STAG1: variants seen among roughly 807,000 people sequenced by gnomAD.
STAG1 encodes STAG1 cohesin complex component.
In STAG1, 26 loss-of-function variants were observed where a neutral mutation model predicts 170.9. The ratio of observed to expected loss-of-function variants is 0.15; its 90% CI spans 0.11 to 0.21. The LOEUF is 0.21. Ranked by LOEUF, STAG1 falls within the 10% of genes least tolerant of loss-of-function variation. The pLI is 1.00. For missense variants in STAG1, 964 were observed against 1,509.5 expected (o/e 0.64, Z 5.99); for synonymous variants, 514 against 497.7 (o/e 1.03, Z -0.44).
At chr3:136,670,886 A>G (rs899303797) in intron 1 of STAG1, among the ~76,000 whole-genome samples, 1 of 152,334 alleles carries the variant, frequency 6.6e-6, no homozygotes, top group Non-Finnish European at 1.5e-5. Flanking sequence ...TGTATTTTCC[A>G]GATGTTGGTG....
intron 23 of STAG1, among the ~76,000 whole-genome samples, chr3:136,375,111 C>T (rs1444156659): frequency 6.6e-6 from 1 of 152,142 alleles, no homozygotes; most frequent in African/African-American, 2.4e-5. Context: ...TTATGATGGT[C>T]ATACAATGAT....
chr3:136,633,962 T>TTAAAAAA (rs1212800689), intron 1 of STAG1, among the ~76,000 whole-genome samples: 1 of 50,346 alleles, frequency 2.0e-5, no homozygotes, highest in Non-Finnish European at 4.2e-5. Flanking sequence ...TGTCTCTACT[T>TTAAAAAA]AAAAAAAAAA....
In STAG1 at chr3:136,633,962, TAAAAAAAAAAAAAAAA is replaced by T. The variant is rs67810422; in HGVS notation, c.-83-2997_-83-2982del. On this transcript the variant is annotated intron_variant, in intron 1 of 33. Coordinates refer to ENST00000383202, the MANE Select transcript of STAG1 (RefSeq NM_005862.3). Reference sequence around the variant, plus strand: ...AACATGGTGAAACCCTGTCTCTACTTAAAAAAAAAAAAAAAAAAAAAAAAAAAAATTAGCCAGGCAT... The same window carrying T: ...AACATGGTGAAACCCTGTCTCTACTTAAAAAAAAAAAAATTAGCCAGGCAT... 6.3e-3 allele frequency among the ~76,000 whole-genome samples: 315 copies of T among 50,364 alleles called. 4 individuals are homozygous for T. The highest frequency in any genetic ancestry group is 0.015 in the African/African-American group (299 of 19,486). 33.0% of individuals were successfully genotyped at this position (50,364 alleles called of 152,430 possible). A position where few individuals can be genotyped will look rare whatever the true frequency, so the allele number is the denominator to read the frequency against.
chr3:136,508,938 T>C (rs1179788608), intron 7 of STAG1, among the ~76,000 whole-genome samples: 1 of 152,256 alleles, frequency 6.6e-6, no homozygotes, highest in Non-Finnish European at 1.5e-5. Context: ...CAAGAATATC[T>C]CTTAGTTCTG....
At chr3:136,543,692 G>T (rs945947936) in intron 5 of STAG1, among the ~76,000 whole-genome samples, 4 of 152,138 alleles carry the variant, frequency 2.6e-5, no homozygotes, top group African/African-American at 9.7e-5. Context: ...AATCTTTTAA[G>T]TGGTGATAAT....
At position 136,623,361 on chromosome 3, in the gene STAG1, A is replaced by G; in HGVS notation, c.30-113T>C. On this transcript the variant is annotated intron_variant, in intron 2 of 33. Coordinates refer to ENST00000383202, the MANE Select transcript of STAG1 (RefSeq NM_005862.3). ...CTGATTAGAAGTGGTTTATACTTCT[A>G]CTTTCAGAGAAACTCTCTAGCAAAC... 2.4e-6 allele frequency: 2 copies of G among 822,520 alleles called. 1 individual carries two copies. Among genetic ancestry groups the G allele is most frequent in the South Asian group, 4.0e-5 (2 of 50,626 alleles). The allele number at this position is 822,520 out of a possible 1,614,324, so 51.0% of individuals were successfully genotyped here.
rs557540963 is a variant in STAG1 at position 136,521,735 on chromosome 3, T to G, written c.472-318A>C. ...GGTAATCTGAAACAGTAAAAAAAAT[T>G]TTTTAAAGTTTAGACTAGAAAGGAT... On this transcript the variant is annotated intron_variant, in intron 6 of 33. Coordinates refer to ENST00000383202, the MANE Select transcript of STAG1 (RefSeq NM_005862.3). Among the ~76,000 whole-genome samples the G allele has an allele frequency of 2.0e-5, 3 of 152,278 alleles. No homozygotes were observed. In the South Asian group the frequency reaches 6.2e-4, roughly 32 times the overall value.
intron 19 of STAG1, 69 bp from the exon 20 acceptor site, chr3:136,421,232 T>A: frequency 1.1e-6 from 1 of 945,896 alleles, no homozygotes; most frequent in Non-Finnish European, 1.5e-6. Flanking sequence ...ACTTATTGCC[T>A]AAATAAAAAT....
rs117987890 is a variant in STAG1 at position 136,587,587 on chromosome 3, C to A, written c.297+16722G>T. The stretch of plus-strand genomic sequence containing the variant: ...GCAATTTATAGCTTTTGACCCAATA[C>A]ATTCTGTATATTCTATGTATTACTT... On this transcript the variant is annotated intron_variant, in intron 4 of 33. Coordinates refer to ENST00000383202, the MANE Select transcript of STAG1 (RefSeq NM_005862.3). Among the ~76,000 whole-genome samples, 609 of 140,702 alleles carry A rather than the reference C, an allele frequency of 4.3e-3. 8 individuals are homozygous for A. The East Asian group carries it at 0.049, about 11-fold the overall frequency. 92.3% of individuals were successfully genotyped at this position (140,702 alleles called of 152,430 possible).
chr3:136,612,541 A>G (rs1380403771), intron 3 of STAG1, among the ~76,000 whole-genome samples: 1 of 152,132 alleles, frequency 6.6e-6, no homozygotes, highest in Non-Finnish European at 1.5e-5. Context: ...AAGAACAAAA[A>G]AGTTAGCTGG....
chr3:136,676,921 A>G (rs1285119870), intron 1 of STAG1, among the ~76,000 whole-genome samples: 1 of 152,120 alleles, frequency 6.6e-6, no homozygotes, highest in Non-Finnish European at 1.5e-5. Flanking sequence ...ATTAGCCTAG[A>G]CCTACACAGG....
intron 15 of STAG1, among the ~76,000 whole-genome samples, chr3:136,441,647 C>T (rs1213639059): frequency 6.6e-6 from 1 of 152,150 alleles, no homozygotes; most frequent in Non-Finnish European, 1.5e-5. Flanking sequence ...GGGATGCTCA[C>T]TCTCCCGGTA....
At chr3:136,343,702 G>T in intron 30 of STAG1, 130 bp downstream of exon 30, 1 of 596,878 alleles carries the variant, frequency 1.7e-6, no homozygotes, top group Non-Finnish European at 2.7e-6. Flanking sequence ...CACATGAAGT[G>T]TTTACCCTCC....
intron 1 of STAG1, among the ~76,000 whole-genome samples, chr3:136,702,974 A>G (rs1288776942): frequency 1.3e-5 from 2 of 150,612 alleles, no homozygotes; most frequent in Non-Finnish European, 3.0e-5. Flanking sequence ...AGGCTGAGGC[A>G]GGAGAATCAT....
intron 6 of STAG1, among the ~76,000 whole-genome samples, chr3:136,528,078 T>G (rs1935154229): frequency 6.6e-6 from 1 of 152,134 alleles, no homozygotes; most frequent in South Asian, 2.1e-4. Context: ...GATCTCAAAC[T>G]CCGTGCTGGG....
chr3:136,600,735 A>AAAT (rs1280195853), intron 4 of STAG1, among the ~76,000 whole-genome samples: 1 of 152,030 alleles, frequency 6.6e-6, no homozygotes, highest in Non-Finnish European at 1.5e-5. Flanking sequence ...GGATTTTACC[A>AAAT]TATTGGCCAG....
chr3:136,681,912 A>T (rs1391851228), intron 1 of STAG1, among the ~76,000 whole-genome samples: 19 of 152,194 alleles, frequency 1.2e-4, no homozygotes, highest in Non-Finnish European at 1.5e-5. Flanking sequence ...CGCACAGCTA[A>T]TATCATACTC....
intron 7 of STAG1, among the ~76,000 whole-genome samples, chr3:136,512,358 T>C (rs1006481813): frequency 6.6e-6 from 1 of 152,064 alleles, no homozygotes; most frequent in African/African-American, 2.4e-5. Flanking sequence ...CCATCAGCTA[T>C]TAGAAGTAGT....
At chr3:136,636,260 A>G (rs1467649186) in intron 1 of STAG1, among the ~76,000 whole-genome samples, 1 of 152,018 alleles carries the variant, frequency 6.6e-6, no homozygotes, top group Non-Finnish European at 1.5e-5. Context: ...AAAAAAAAAA[A>G]GAAAGAAAAG....
Sources: allele counts gnomAD v4.1 joint callset (sites outside exome capture counted in the v4.1 genomes callset), GRCh38; gene constraint gnomAD v4.1.1; transcripts MANE v1.5; gene names NCBI Gene and HGNC (gene_info 2026-07-23, HGNC 2026-07-21).